Variants in PCDHA11 observed in about 807,000 individuals in gnomAD.
PCDHA11 encodes protocadherin alpha 11, also known as protocadherin alpha-11.
In PCDHA11, 61 loss-of-function variants were observed where a neutral mutation model predicts 70.3. That is an observed-to-expected ratio of 0.87 (90% CI 0.71 to 1.07). PCDHA11 has a LOEUF of 1.07. Ranked by LOEUF, PCDHA11 falls within the 50% of genes least tolerant of loss-of-function variation. The pLI, the probability that PCDHA11 is intolerant of heterozygous loss-of-function variation, is 0.00. For synonymous variants in PCDHA11, 633 were observed against 555.1 expected, an observed-to-expected ratio of 1.14 and a Z score of -1.97; for missense variants, 1,324 against 1,237.5, an observed-to-expected ratio of 1.07 and a Z score of -1.05.
intron 3 of PCDHA11, chr5:140,989,054 A>G (rs1481333744): frequency 6.6e-6 from 1 of 152,214 alleles, no homozygotes; most frequent in African/African-American, 2.4e-5. Flanking sequence ...TGCCAGCTAC[A>G]TTGAGGCAAT....
chr5:140,956,130 AC>A (rs1328169081), intron 1 of PCDHA11, among the ~76,000 whole-genome samples: 3 of 152,088 alleles, frequency 2.0e-5, no homozygotes. Context: ...CTATTTGAAT[AC>A]CCTTTATTTC....
chr5:140,938,928 T>G (rs1220764640), intron 1 of PCDHA11, among the ~76,000 whole-genome samples: 2 of 152,104 alleles, frequency 1.3e-5, no homozygotes, highest in African/African-American at 4.8e-5. Flanking sequence ...AAATTGGCTT[T>G]TAACTTTCCA....
rs1338866234 is a variant in PCDHA11 at position 141,009,892 on chromosome 5, GAA to G, written c.2810_2811del (p.Lys937ArgfsTer8). ...AGAAGAAGGGTAACAAGACCCAGGA[GAA>G]AAAAGAGAAAGGGAACAGCACGACT... ...KKKKGNKTQE[K>X]KEKGNSTTDN... On this transcript the variant is annotated frameshift_variant, in exon 4 of 4. Coordinates refer to ENST00000398640, the MANE Select transcript of PCDHA11 (RefSeq NM_018902.5). LOFTEE classifies it high-confidence loss of function. The G allele has an allele frequency of 3.7e-6, 6 of 1,612,022 alleles. No individual in the cohort carries two copies. The Admixed American group carries it at 1.0e-4, about 27-fold the overall frequency.
rs782465793 is a variant in PCDHA11 at position 140,871,090 on chromosome 5, A to G, written c.1987A>G (p.Thr663Ala). ...HGEPALTATA[T>A]VLVSLVESGQ... ...TGAGCCGGCGCTGACGGCCACGGCCACCGTGCTGGTGTCGTTGGTGGAGAG... is the reference window on the plus strand; with the variant it reads ...TGAGCCGGCGCTGACGGCCACGGCCGCCGTGCTGGTGTCGTTGGTGGAGAG... Residue 663 changes from threonine (T) to alanine (A), a missense_variant, in exon 1 of 4, where the codon ACC becomes GCC. Transcript: ENST00000398640. 2 of 1,613,254 alleles carry G rather than the reference A, an allele frequency of 1.2e-6. No individual in the cohort carries two copies. Among genetic ancestry groups the G allele is most frequent in the South Asian group, 1.1e-5 (1 of 91,072 alleles).
chr5:141,000,948 G>C (rs1032144041), intron 3 of PCDHA11, among the ~76,000 whole-genome samples: 3 of 151,774 alleles, frequency 2.0e-5, no homozygotes, highest in Non-Finnish European at 1.5e-5. Flanking sequence ...AAATTATCTT[G>C]CTGTAATTTA....
intron 1 of PCDHA11, chr5:140,875,799 C>T (rs781911910): frequency 5.6e-6 from 9 of 1,614,014 alleles, no homozygotes. Flanking sequence ...TGGAGGTGAT[C>T]GTGGACAGGC....
At chr5:140,927,701 A>G (rs2084527211) in intron 1 of PCDHA11, 1 of 1,614,052 alleles carries the variant, frequency 6.2e-7, no homozygotes, top group South Asian at 1.1e-5. Context: ...GAAGTCCAGT[A>G]CTCCCTAAGC....
intron 1 of PCDHA11, chr5:140,883,811 G>A: frequency 6.2e-7 from 1 of 1,612,586 alleles, no homozygotes; most frequent in African/African-American, 1.3e-5. Context: ...CGCGGAGAGC[G>A]GCAAGGTGTA....
At chr5:140,959,407 G>A (rs1449444307) in intron 1 of PCDHA11, among the ~76,000 whole-genome samples, 3 of 152,052 alleles carry the variant, frequency 2.0e-5, no homozygotes, top group African/African-American at 7.2e-5. Flanking sequence ...ATAAAGTGTT[G>A]ATTGATCTGA....
At chr5:140,914,923 T>C (rs2076880546) in intron 1 of PCDHA11, among the ~76,000 whole-genome samples, 1 of 151,134 alleles carries the variant, frequency 6.6e-6, no homozygotes, top group Admixed American at 6.6e-5. Context: ...TGTCTTATTG[T>C]ACTATGTTGT....
chr5:140,872,560 A>G (rs944323027), intron 1 of PCDHA11, among the ~76,000 whole-genome samples: 1 of 152,156 alleles, frequency 6.6e-6, no homozygotes, highest in African/African-American at 2.4e-5. Context: ...CCAGGGGTTC[A>G]GGGCTGCAGT....
At chr5:140,991,757 C>T (rs1554252410) in intron 3 of PCDHA11, among the ~76,000 whole-genome samples, 1 of 152,160 alleles carries the variant, frequency 6.6e-6, no homozygotes, top group African/African-American at 2.4e-5. Context: ...CTATCATGCT[C>T]TTCAAAATTC....
At chr5:140,877,708 G>A in intron 1 of PCDHA11, 12 of 1,614,072 alleles carry the variant, frequency 7.4e-6, no homozygotes, top group Non-Finnish European at 1.0e-5. Flanking sequence ...CAGCGCCGTG[G>A]GGAGTTGGTC....
At chr5:140,989,109 A>C (rs2097330096) in intron 3 of PCDHA11, 2 of 152,240 alleles carry the variant, frequency 1.3e-5, no homozygotes, top group African/African-American at 4.8e-5. Context: ...CAACTTTTGA[A>C]TATATCTTAG....
At chr5:140,982,688 A>ATACATACATGATTTCCT in intron 3 of PCDHA11, 125 bp downstream of exon 3, 1 of 1,415,764 alleles carries the variant, frequency 7.1e-7, no homozygotes, top group Non-Finnish European at 9.3e-7. Flanking sequence ...CCTTTTTTCC[A>ATACATACATGATTTCCT]TACATACATG....
chr5:141,001,488 ATGCTAGCCCAGGT>A (rs1261759985), intron 3 of PCDHA11, among the ~76,000 whole-genome samples: 3 of 152,210 alleles, frequency 2.0e-5, no homozygotes, highest in Non-Finnish European at 4.4e-5. Flanking sequence ...AGTGCTGGAA[ATGCTAGCCCAGGT>A]GGGCTTAGCT....
chr5:140,942,572 C>A (rs2093326271), intron 1 of PCDHA11, among the ~76,000 whole-genome samples: 1 of 151,292 alleles, frequency 6.6e-6, no homozygotes, highest in Non-Finnish European at 1.5e-5. Flanking sequence ...AAAAATCTTC[C>A]CATATAGGAT....
rs782505088 is a variant in PCDHA11, at chr5:140,869,342, A to G, written c.239A>G (p.Gln80Arg). 1.2e-6 allele frequency: 2 copies of G among 1,614,050 alleles called. No individual in the cohort carries two copies. Among genetic ancestry groups the G allele is most frequent in the Admixed American group, 3.3e-5 (2 of 60,006 alleles). ...GGGGACCTTCTGGAGGTAAATCTGC[A>G]GAATGGCATTTTGTTTGTGAATTCT... is the stretch of plus-strand genomic sequence containing the variant. ...THGDLLEVNL[Q>R]NGILFVNSRI... Residue 80 changes from glutamine to arginine, a missense_variant, in exon 1 of 4, where the codon CAG becomes CGG. Transcript: ENST00000398640.
chr5:140,933,539 G>A (rs1173969458), intron 1 of PCDHA11, among the ~76,000 whole-genome samples: 1 of 152,018 alleles, frequency 6.6e-6, no homozygotes, highest in Non-Finnish European at 1.5e-5. Flanking sequence ...TCAAAATAAT[G>A]TTAATATAAA....
Sources: gnomAD v4.1 joint callset for allele counts (sites outside exome capture counted in the v4.1 genomes callset) on GRCh38, gnomAD v4.1.1 for gene constraint, MANE v1.5 for transcripts, NCBI Gene and HGNC (gene_info 2026-07-23, HGNC 2026-07-21) for gene names.